The following ETV5 variants were observed in gnomAD, a reference collection of about 807,000 sequenced individuals.
ETV5 encodes ETS variant transcription factor 5.
Under a neutral mutation model 70.0 loss-of-function variants are expected in ETV5, and 10 were observed. The ratio of observed to expected loss-of-function variants is 0.14; its 90% CI spans 0.09 to 0.24. The LOEUF (loss-of-function observed/expected upper bound fraction) is 0.24. Ranked by LOEUF, ETV5 falls within the 10% of genes least tolerant of loss-of-function variation. The probability of loss-of-function intolerance (pLI) is 1.00; values close to 1 mark genes in which losing one functional copy is unlikely to be tolerated. For missense variants in ETV5, 453 were observed against 651.2 expected (o/e 0.70, Z 3.31); for synonymous variants, 216 against 242.2 (o/e 0.89, Z 1.01).
chr3:186,078,406 A>G lies in ETV5; in HGVS notation c.650+1411T>C, dbSNP rs563782563. ...AGATGCTGTTTAAAAACACCAAAAA[A>G]CCATTGAAATAAAAATGATATCTAG... On this transcript the variant is annotated intron_variant, in intron 7 of 12. Coordinates refer to ENST00000306376, the MANE Select transcript of ETV5 (RefSeq NM_004454.3). Among the ~76,000 whole-genome samples the G allele has an allele frequency of 2.6e-4, 39 of 152,212 alleles. 1 individual carries two copies. In the South Asian group the frequency reaches 7.9e-3, roughly 31 times the overall value.
intron 12 of ETV5, among the ~76,000 whole-genome samples, chr3:186,050,927 A>T (rs1019324732): frequency 2.0e-5 from 3 of 152,226 alleles, no homozygotes; most frequent in Non-Finnish European, 4.4e-5. Context: ...TGACAGTTTA[A>T]TAGGTGTCTT....
chr3:186,046,829 A>T lies in ETV5; in HGVS notation c.*1810T>A, dbSNP rs1415293562. ...AAGAAAGCTATAAATATGGTTTAGA[A>T]AGAGTCCTTTGATTAGAGTACAATG... On this transcript the variant is annotated 3_prime_UTR_variant, in exon 13 of 13. Transcript: ENST00000306376. 8.6e-6 allele frequency: 2 copies of T among 232,224 alleles called. No homozygotes were observed. Among genetic ancestry groups the T allele is most frequent in the Non-Finnish European group, 1.7e-5 (2 of 117,180 alleles). 14.4% of individuals were successfully genotyped at this position (232,224 alleles called of 1,614,324 possible).
chr3:186,062,232 G>A (rs1375206801), intron 9 of ETV5, among the ~76,000 whole-genome samples: 1 of 152,240 alleles, frequency 6.6e-6, no homozygotes, highest in Non-Finnish European at 1.5e-5. Flanking sequence ...AAATATGGAA[G>A]GAGATGAAGA....
chr3:186,103,666 C>T (rs1714520314), intron 5 of ETV5, among the ~76,000 whole-genome samples: 1 of 124,596 alleles, frequency 8.0e-6, no homozygotes, highest in African/African-American at 2.9e-5. Flanking sequence ...CACACACACA[C>T]ACACTTGGAT....
intron 12 of ETV5, among the ~76,000 whole-genome samples, chr3:186,049,567 C>A (rs1286144790): frequency 6.6e-6 from 1 of 152,106 alleles, no homozygotes; most frequent in Admixed American, 6.5e-5. Flanking sequence ...CACCTAATAC[C>A]GAAAATCAAA....
intron 5 of ETV5, among the ~76,000 whole-genome samples, chr3:186,086,737 G>A (rs1356540786): frequency 2.0e-5 from 3 of 151,238 alleles, no homozygotes; most frequent in African/African-American, 4.9e-5. Flanking sequence ...AGGGCAGATC[G>A]CTTGAGCCCA....
At chr3:186,064,893 C>T (rs1484297713) in intron 8 of ETV5, among the ~76,000 whole-genome samples, 1 of 152,188 alleles carries the variant, frequency 6.6e-6, no homozygotes, top group African/African-American at 2.4e-5. Context: ...TTCTAATTTG[C>T]TCCCCTTTAC....
chr3:186,056,380 C>T (rs148553662), intron 11 of ETV5, among the ~76,000 whole-genome samples: 3 of 152,092 alleles, frequency 2.0e-5, no homozygotes, highest in South Asian at 2.1e-4. Flanking sequence ...TAGACACACA[C>T]CACCATGCCT....
At chr3:186,051,890 T>G in intron 12 of ETV5, 140 bp downstream of exon 12, 1 of 696,608 alleles carries the variant, frequency 1.4e-6, no homozygotes, top group South Asian at 1.8e-5. Context: ...GTTTGTCTTC[T>G]CAAGATTGTT....
chr3:186,082,727 C>A (rs762598906), intron 5 of ETV5, among the ~76,000 whole-genome samples: 1 of 152,200 alleles, frequency 6.6e-6, no homozygotes, highest in African/African-American at 2.4e-5. Context: ...CCTAAACAAT[C>A]ATCTCTTTTC....
In ETV5 at chr3:186,052,167, C is replaced by T; in HGVS notation, c.1210-36G>A. On this transcript the variant is annotated intron_variant, in intron 11 of 12. Transcript: ENST00000306376. This position sits in a 1 kb window ranked among gnomAD's most constrained non-coding sequence, Gnocchi z 4.5. Reference sequence around the variant, plus strand: ...AGGAAAGTGAAGAGCAATGGAAACGCATTCCCTGGGCCCCATGTTCTCTCC... The same window carrying T: ...AGGAAAGTGAAGAGCAATGGAAACGTATTCCCTGGGCCCCATGTTCTCTCC... The T allele has an allele frequency of 6.3e-7, 1 of 1,595,604 alleles. No individual in the cohort carries two copies. Among genetic ancestry groups the T allele is most frequent in the Non-Finnish European group, 8.6e-7 (1 of 1,163,802 alleles).
chr3:186,050,012 C>A (rs181747460), intron 12 of ETV5, among the ~76,000 whole-genome samples: 1 of 152,178 alleles, frequency 6.6e-6, no homozygotes, highest in African/African-American at 2.4e-5. Flanking sequence ...TACACACCGA[C>A]GGGCTATCAT....
chr3:186,073,617 G>A (rs140717398), intron 7 of ETV5, among the ~76,000 whole-genome samples: 5 of 152,284 alleles, frequency 3.3e-5, no homozygotes, highest in East Asian at 1.9e-4. Flanking sequence ...AATCTCATAC[G>A]TTTAGAAATT....
intron 7 of ETV5, among the ~76,000 whole-genome samples, chr3:186,075,720 T>C (rs1180262600): frequency 2.0e-5 from 3 of 152,220 alleles, no homozygotes; most frequent in Non-Finnish European, 4.4e-5. Flanking sequence ...AATTACAGCA[T>C]GCTAGCCTAC....
chr3:186,100,046 G>A (rs546352646), intron 5 of ETV5, among the ~76,000 whole-genome samples: 3 of 152,160 alleles, frequency 2.0e-5, no homozygotes, highest in Admixed American at 1.3e-4. Flanking sequence ...TAGGTCTTGG[G>A]TCCTTCAGAA....
In ETV5 at chr3:186,105,162, G is replaced by C; in HGVS notation, c.232+143C>G. 5.0e-6 allele frequency: 3 copies of C among 603,012 alleles called. No homozygotes were observed. The highest frequency in any genetic ancestry group is 8.5e-6 in the Non-Finnish European group (3 of 351,510). The allele number at this position is 603,012 out of a possible 1,614,324, so 37.4% of individuals were successfully genotyped here. On this transcript the variant is annotated intron_variant, in intron 5 of 12. Transcript: ENST00000306376. This position sits in a 1 kb window ranked among gnomAD's most constrained non-coding sequence, Gnocchi z 4.5. Reference sequence around the variant, plus strand: ...TTTATTATGAAATAAAAGTTTTCAGGGTTAATTCTGAATTATTAGAAGAAA... The same window carrying C: ...TTTATTATGAAATAAAAGTTTTCAGCGTTAATTCTGAATTATTAGAAGAAA...
At chr3:186,065,756 A>G (rs1713425278) in intron 8 of ETV5, 57 bp downstream of exon 8, 2 of 1,609,334 alleles carry the variant, frequency 1.2e-6, no homozygotes, top group East Asian at 2.2e-5. Flanking sequence ...AAGACACTGA[A>G]TAACGAGACA....
At position 186,105,359 on chromosome 3, in the gene ETV5, G is replaced by A. The variant is rs1396200585; in HGVS notation, c.182-4C>T. On this transcript the variant is annotated splice_region_variant and splice_polypyrimidine_tract_variant and intron_variant, in intron 4 of 12. Transcript: ENST00000306376. The surrounding 1 kb of genome is among the most constrained non-coding windows in gnomAD (Gnocchi z 4.5). ...TGTTCATCATCAGGAACTTGTGCTGGAAAATAGATTTTTATTTTAGACCTT... is the reference window on the plus strand; with the variant it reads ...TGTTCATCATCAGGAACTTGTGCTGAAAAATAGATTTTTATTTTAGACCTT... 1 of 1,613,418 alleles carries A rather than the reference G, an allele frequency of 6.2e-7. No homozygotes were observed. Among genetic ancestry groups the A allele is most frequent in the African/African-American group, 1.3e-5 (1 of 74,996 alleles).
Position 186,105,677 on chromosome 3 carries a change from C to T in ETV5, c.81G>A (p.Val27=). 6.2e-7 allele frequency: 1 copy of T among 1,614,190 alleles called. No homozygotes were observed. The highest frequency in any genetic ancestry group is 8.5e-7 in the Non-Finnish European group (1 of 1,180,044). ...SRSEECRGRP[V]IDRKRKFLDT... ...CCAAAAACTTCCTCTTTCTGTCAAT[C>T]ACAGGCCGCCCTCTGCATTCCTCAG... The change falls in exon 3 of 13, where the codon GTG becomes GTA. Residue 27 remains valine, a synonymous_variant. Transcript: ENST00000306376. This position sits in a 1 kb window ranked among gnomAD's most constrained non-coding sequence, Gnocchi z 4.5.
Sources: gnomAD v4.1 joint callset for allele counts (sites outside exome capture counted in the v4.1 genomes callset) on GRCh38, gnomAD v4.1.1 for gene constraint, Gnocchi (gnomAD v3.1) non-coding constraint, MANE v1.5 for transcripts, NCBI Gene and HGNC (gene_info 2026-07-23, HGNC 2026-07-21) for gene names.